The following PEX5L variants were observed in gnomAD, a reference collection of about 807,000 sequenced individuals.
PEX5L encodes PEX5-related protein.
PEX5L carries 30 observed loss-of-function variants against 84.0 expected under a neutral mutation model. That is an observed-to-expected ratio of 0.36 (90% CI 0.27 to 0.48). The LOEUF (loss-of-function observed/expected upper bound fraction) is 0.48, where lower values mean the gene tolerates loss of function less well. Ranked by LOEUF, PEX5L falls within the 20% of genes least tolerant of loss-of-function variation. PEX5L has a pLI of 0.99. For synonymous variants in PEX5L, 270 were observed against 283.1 expected, an observed-to-expected ratio of 0.95 and a Z score of 0.46; for missense variants, 533 against 754.6, an observed-to-expected ratio of 0.71 and a Z score of 3.44.
intron 8 of PEX5L, among the ~76,000 whole-genome samples, chr3:179,836,832 AG>A (rs1410670421): frequency 6.6e-6 from 1 of 152,188 alleles, no homozygotes; most frequent in Non-Finnish European, 1.5e-5. Flanking sequence ...GATTTTGAAA[AG>A]TCTAATCTGA....
chr3:179,989,142 G>T (rs1451642550), intron 1 of PEX5L, among the ~76,000 whole-genome samples: 1 of 152,166 alleles, frequency 6.6e-6, no homozygotes, highest in Non-Finnish European at 1.5e-5. Flanking sequence ...GAGCTAAGTT[G>T]TCTGGTTCTA....
At position 179,821,287 on chromosome 3, in the gene PEX5L, G is replaced by T. The variant is rs138203887; in HGVS notation, c.823-1311C>A. Among the ~76,000 whole-genome samples, 49 of 152,232 alleles carry T rather than the reference G, an allele frequency of 3.2e-4. 1 individual carries two copies. The East Asian group carries it at 8.5e-3, about 26-fold the overall frequency. ...GAGTATTCCTTGAACACCTGAATCT[G>T]GGACTGAAATTCATACTCTTTACAA... On this transcript the variant is annotated intron_variant, in intron 8 of 14. Transcript: ENST00000467460.
At chr3:180,030,981 AT>A (rs1337848432) in intron 1 of PEX5L, among the ~76,000 whole-genome samples, 1 of 148,380 alleles carries the variant, frequency 6.7e-6, no homozygotes, top group African/African-American at 2.5e-5. Context: ...TGAGCTCATT[AT>A]TTTTCATCTG....
chr3:180,026,065 T>C (rs1790920750), intron 1 of PEX5L, among the ~76,000 whole-genome samples: 1 of 151,952 alleles, frequency 6.6e-6, no homozygotes, highest in Admixed American at 6.6e-5. Context: ...CTATGTTTTG[T>C]TCCCTCTTCA....
rs141266195 is a variant in PEX5L at position 179,821,456 on chromosome 3, G to C, written c.823-1480C>G. 5.9e-5 allele frequency among the ~76,000 whole-genome samples: 9 copies of C among 152,312 alleles called. No individual in the cohort carries two copies. The East Asian group carries it at 1.5e-3, about 26-fold the overall frequency. On this transcript the variant is annotated intron_variant, in intron 8 of 14. Transcript: ENST00000467460. The stretch of plus-strand genomic sequence containing the variant: ...GAAGCAAGAACTCTTCTTCAGAGTT[G>C]CTTTGAGTGGTAATTATAATCTTAT...
chr3:179,820,582 C>T (rs911990171), intron 8 of PEX5L: 2 of 152,290 alleles, frequency 1.3e-5, no homozygotes, highest in Admixed American at 1.3e-4. Context: ...TGGTGTGAAC[C>T]TGACTGAATC....
chr3:179,992,173 T>C (rs1787442436), intron 1 of PEX5L, among the ~76,000 whole-genome samples: 1 of 152,208 alleles, frequency 6.6e-6, no homozygotes, highest in Non-Finnish European at 1.5e-5. Flanking sequence ...TGACACTATA[T>C]GCAATATATT....
At position 179,875,337 on chromosome 3, in the gene PEX5L, G is replaced by T. The variant is rs1360337319; in HGVS notation, c.629+17C>A. ...TTGATACATAAATGGCCGTTTTCTG[G>T]TATTAAAATACCTTACCATAAGAGC... On this transcript the variant is annotated intron_variant, in intron 6 of 14. Coordinates refer to ENST00000467460, the MANE Select transcript of PEX5L (RefSeq NM_016559.3). 3 of 1,613,140 alleles carry T rather than the reference G, an allele frequency of 1.9e-6. No homozygotes were observed. The Admixed American group carries it at 5.0e-5, about 27-fold the overall frequency.
At position 179,859,048 on chromosome 3, in the gene PEX5L, T is replaced by C. The variant is rs1054696304; in HGVS notation, c.822+14A>G. 3.8e-6 allele frequency: 6 copies of C among 1,587,474 alleles called. No homozygotes were observed. Among genetic ancestry groups the C allele is most frequent in the Non-Finnish European group, 5.2e-6 (6 of 1,155,856 alleles). On this transcript the variant is annotated intron_variant, in intron 8 of 14. Transcript: ENST00000467460. ...GAGCATGAAACAGAAAAAACTAATT[T>C]GAAGAAAAGTTACCTCCACTGCTGC...
At chr3:179,819,838 G>T in intron 9 of PEX5L, 22 bp downstream of exon 9, 3 of 1,608,876 alleles carry the variant, frequency 1.9e-6, no homozygotes, top group Non-Finnish European at 2.6e-6. Flanking sequence ...TAGTCAGCAT[G>T]TATAGGAACA....
intron 3 of PEX5L, among the ~76,000 whole-genome samples, chr3:179,892,392 C>G (rs1757883332): frequency 6.6e-6 from 1 of 152,048 alleles, no homozygotes; most frequent in Admixed American, 6.6e-5. Flanking sequence ...CATGTCTTGC[C>G]CAGTGTCATA....
At chr3:180,001,170 C>T (rs1009756348) in intron 1 of PEX5L, among the ~76,000 whole-genome samples, 3 of 151,974 alleles carry the variant, frequency 2.0e-5, no homozygotes, top group Non-Finnish European at 2.9e-5. Flanking sequence ...ATCTTTCTCC[C>T]GTGCTGGATG....
intron 1 of PEX5L, among the ~76,000 whole-genome samples, chr3:179,974,518 C>G (rs1246046772): frequency 6.6e-6 from 1 of 152,160 alleles, no homozygotes; most frequent in Non-Finnish European, 1.5e-5. Flanking sequence ...GAGGAAAGAG[C>G]GAAAGGACAT....
chr3:179,982,031 G>C (rs1173112774), intron 1 of PEX5L, among the ~76,000 whole-genome samples: 1 of 152,160 alleles, frequency 6.6e-6, no homozygotes. Flanking sequence ...TAAGAGAATT[G>C]AGGTGGCATA....
intron 1 of PEX5L, among the ~76,000 whole-genome samples, chr3:180,009,563 A>T (rs550218510): frequency 6.6e-6 from 1 of 150,606 alleles, no homozygotes; most frequent in Non-Finnish European, 1.5e-5. Flanking sequence ...TACTGAAAAA[A>T]TTTTTTTCTT....
At chr3:180,022,619 G>A (rs1195170495) in intron 1 of PEX5L, among the ~76,000 whole-genome samples, 1 of 152,172 alleles carries the variant, frequency 6.6e-6, no homozygotes, top group East Asian at 1.9e-4. Flanking sequence ...ATTTAGGTAA[G>A]TAATAGAATT....
intron 8 of PEX5L, among the ~76,000 whole-genome samples, chr3:179,841,395 G>A (rs1341819721): frequency 6.6e-6 from 1 of 152,140 alleles, no homozygotes; most frequent in Non-Finnish European, 1.5e-5. Flanking sequence ...GCTCCTATGG[G>A]AAACCTTCTG....
intron 1 of PEX5L, among the ~76,000 whole-genome samples, chr3:179,993,685 T>C (rs1349092425): frequency 6.6e-6 from 1 of 151,980 alleles, no homozygotes; most frequent in African/African-American, 2.4e-5. Context: ...GTATTTTTAG[T>C]AGAGATGGTG....
In PEX5L at chr3:180,032,634, G is replaced by T. The variant is rs186364000; in HGVS notation, c.21+3945C>A. ...TGTGGGAGGCAAAGGCGCGTGGATC[G>T]CTTCAACTCAGGAGTTCAAGACCAG... On this transcript the variant is annotated intron_variant, in intron 1 of 14. Transcript: ENST00000467460. Among the ~76,000 whole-genome samples the T allele has an allele frequency of 2.1e-4, 32 of 152,258 alleles. No homozygotes were observed. In the East Asian group the frequency reaches 5.0e-3, roughly 24 times the overall value.
Sources: allele counts gnomAD v4.1 joint callset (sites outside exome capture counted in the v4.1 genomes callset), GRCh38; gene constraint gnomAD v4.1.1; transcripts MANE v1.5; gene names NCBI Gene and HGNC (gene_info 2026-07-23, HGNC 2026-07-21).